The following PLCB4 variants were observed in gnomAD, a reference collection of about 807,000 sequenced individuals.
PLCB4 encodes the protein phospholipase C beta 4, also known as 1-phosphatidylinositol 4,5-bisphosphate phosphodiesterase beta-4.
PLCB4 carries 77 observed loss-of-function variants against 178.8 expected under a neutral mutation model. The observed-to-expected ratio is 0.43, with a 90% CI of 0.36 to 0.52. The LOEUF is 0.52. PLCB4 is among the 20% of genes least tolerant of loss of function. The pLI is 0.00. For missense variants in PLCB4, 1,024 were observed against 1,453.4 expected, an observed-to-expected ratio of 0.70 and a Z score of 4.80; for synonymous variants, 496 against 490.8, an observed-to-expected ratio of 1.01 and a Z score of -0.14.
rs539838950 is a variant in PLCB4, at chr20:9,292,636, C to T, written c.-15-15164C>T. On this transcript the variant is annotated intron_variant, in intron 3 of 39. Coordinates refer to ENST00000378473, the MANE Select transcript of PLCB4 (RefSeq NM_001377142.1). ...TATTCATAGGCACAATCGAGGCTGTCAAACTTGGTAAAGAATGGAAACTCA... is the reference window on the plus strand; with the variant it reads ...TATTCATAGGCACAATCGAGGCTGTTAAACTTGGTAAAGAATGGAAACTCA... Among the ~76,000 whole-genome samples, 111 of 152,282 alleles carry T rather than the reference C, an allele frequency of 7.3e-4. 2 individuals are homozygous for T. The highest frequency in any genetic ancestry group is 2.6e-3 in the African/African-American group (107 of 41,560).
Position 9,245,759 on chromosome 20 carries a change from C to T in PLCB4, c.-16+28307C>T, listed in dbSNP as rs142995028. 7.6e-3 allele frequency among the ~76,000 whole-genome samples: 1,149 copies of T among 151,558 alleles called. 17 individuals carry two copies. The highest frequency in any genetic ancestry group is 0.027 in the African/African-American group (1,097 of 41,318). On this transcript the variant is annotated intron_variant, in intron 3 of 39. Coordinates refer to ENST00000378473, the MANE Select transcript of PLCB4 (RefSeq NM_001377142.1). ...TGGGTTTTTTTTTTTTCCAGCCTCC[C>T]GAGTAGCTGGGACTCCAGGCACATG...
At chr20:9,305,009 G>T (rs185023109) in intron 3 of PLCB4, among the ~76,000 whole-genome samples, 40 of 150,170 alleles carry the variant, frequency 2.7e-4, no homozygotes, top group Admixed American at 1.4e-3. Flanking sequence ...TTAACATTAG[G>T]TATCTCTCCA....
intron 3 of PLCB4, among the ~76,000 whole-genome samples, chr20:9,285,697 C>A (rs1484074199): frequency 3.3e-5 from 5 of 151,856 alleles, no homozygotes; most frequent in Non-Finnish European, 5.9e-5. Context: ...TGCTTTGGGG[C>A]CATAAACAAA....
In PLCB4 at chr20:9,408,708, A is replaced by T; in HGVS notation, c.1865A>T (p.Glu622Val). 6.5e-7 allele frequency: 1 copy of T among 1,547,220 alleles called. No homozygotes were observed. The part of the protein sequence containing the change: ...GLGYLKTHAI[E>V]FVNYNKRQMS... ...GGCTACTTGAAGACACATGCAATTG[A>T]ATTTGTCAAGTATCCTTATGTATCA... Residue 622 changes from glutamate (E) to valine (V), a missense_variant, in exon 23 of 40, where the codon GAA (glutamate) becomes GTA (valine). Glu to Val is a moderately radical substitution (Grantham distance 121). This residue lies in a region of PLCB4 where 263 missense variants were observed against 417.4 expected (regional missense o/e 0.63). Transcript: ENST00000378473.
intron 7 of PLCB4, 144 bp from the exon 8 acceptor site, chr20:9,362,752 T>C (rs1457702364): frequency 1.6e-6 from 1 of 621,700 alleles, no homozygotes. Context: ...GCCTGCAAAA[T>C]ATAGATGGCT....
intron 1 of PLCB4, among the ~76,000 whole-genome samples, chr20:9,069,462 T>C (rs1342350165): frequency 6.6e-6 from 1 of 152,180 alleles, no homozygotes; most frequent in African/African-American, 2.4e-5. Context: ...CACCCTCTTC[T>C]GGGCTAGAAA....
chr20:9,328,954 G>A lies in PLCB4; in HGVS notation c.85-8172G>A, dbSNP rs148784379. On this transcript the variant is annotated intron_variant, in intron 4 of 39. Coordinates refer to ENST00000378473, the MANE Select transcript of PLCB4 (RefSeq NM_001377142.1). The stretch of plus-strand genomic sequence containing the variant: ...AGAAAGTTTAATAAATGAACTTAAG[G>A]AGGGGGTATGTGATTTACACAGGGG... Among the ~76,000 whole-genome samples the A allele has an allele frequency of 7.6e-4, 116 of 152,316 alleles. 1 individual carries two copies. In the Middle Eastern group the frequency reaches 0.014, roughly 18 times the overall value.
intron 2 of PLCB4, among the ~76,000 whole-genome samples, chr20:9,181,787 G>A (rs2093250656): frequency 1.3e-5 from 2 of 152,120 alleles, no homozygotes; most frequent in African/African-American, 4.8e-5. Flanking sequence ...TTTGGGAGTG[G>A]AGGACACAAA....
chr20:9,410,038 G>A (rs2039745604), intron 24 of PLCB4, among the ~76,000 whole-genome samples: 1 of 152,122 alleles, frequency 6.6e-6, no homozygotes, highest in Non-Finnish European at 1.5e-5. Flanking sequence ...CCCAATTTGA[G>A]GATTTTTTAA....
chr20:9,476,024 G>A (rs894014829), intron 38 of PLCB4, among the ~76,000 whole-genome samples: 3 of 152,078 alleles, frequency 2.0e-5, no homozygotes, highest in Non-Finnish European at 4.4e-5. Context: ...TCCCTCAAAG[G>A]TTTCTTTCTG....
chr20:9,159,225 A>C (rs944824061), intron 2 of PLCB4, among the ~76,000 whole-genome samples: 2 of 152,156 alleles, frequency 1.3e-5, no homozygotes, highest in Non-Finnish European at 2.9e-5. Flanking sequence ...AAATCAGACT[A>C]CTTAGAAAAT....
intron 9 of PLCB4, among the ~76,000 whole-genome samples, chr20:9,366,396 C>CA (rs1198133351): frequency 0.028 from 927 of 32,718 alleles, 22 homozygotes; most frequent in East Asian, 0.064. Context: ...GACTCCATCT[C>CA]AAAAAAAAAA....
intron 1 of PLCB4, among the ~76,000 whole-genome samples, chr20:9,095,524 A>G (rs150630373): frequency 6.6e-6 from 1 of 152,300 alleles, no homozygotes; most frequent in East Asian, 1.9e-4. Flanking sequence ...TGGATGATTA[A>G]CTTATATTAA....
At chr20:9,423,120 A>G (rs1003307252) in intron 27 of PLCB4, among the ~76,000 whole-genome samples, 1 of 152,218 alleles carries the variant, frequency 6.6e-6, no homozygotes, top group Non-Finnish European at 1.5e-5. Flanking sequence ...GTGTCTTAGA[A>G]TCAAAGTATG....
At position 9,373,121 on chromosome 20, in the gene PLCB4, A is replaced by G. The variant is rs1444410726; in HGVS notation, c.744+17A>G. The G allele has an allele frequency of 1.5e-6, 2 of 1,297,978 alleles. No individual in the cohort carries two copies. Among genetic ancestry groups the G allele is most frequent in the Non-Finnish European group, 1.1e-6 (1 of 896,894 alleles). 80.4% of individuals were successfully genotyped at this position (1,297,978 alleles called of 1,614,324 possible). ...CTAAATGAAGTAAGCTTTTTCATAC[A>G]TTAACTCCATAAAGTCTGTGTGCAG... On this transcript the variant is annotated intron_variant, in intron 12 of 39. Transcript: ENST00000378473.
In PLCB4 at chr20:9,070,331, A is replaced by C. The variant is rs2089504019; in HGVS notation, c.-135+1125A>C. 2.0e-5 allele frequency among the ~76,000 whole-genome samples: 3 copies of C among 152,242 alleles called. No individual in the cohort carries two copies. The South Asian group carries it at 6.2e-4, about 32-fold the overall frequency. On this transcript the variant is annotated intron_variant, in intron 1 of 39. Transcript: ENST00000378473. ...TGTGTGTGTTGCGGGGGAAGGTAAAATTTTAACTTTATTCTTTTATTGTTT... is the reference window on the plus strand; with the variant it reads ...TGTGTGTGTTGCGGGGGAAGGTAAACTTTTAACTTTATTCTTTTATTGTTT...
intron 20 of PLCB4, among the ~76,000 whole-genome samples, chr20:9,402,670 A>C (rs1208545982): frequency 6.6e-6 from 1 of 152,180 alleles, no homozygotes; most frequent in East Asian, 1.9e-4. Flanking sequence ...AAACCAGACA[A>C]TGCATCAGAG....
At chr20:9,141,981 G>C (rs1189606656) in intron 2 of PLCB4, among the ~76,000 whole-genome samples, 3 of 152,126 alleles carry the variant, frequency 2.0e-5, no homozygotes, top group Admixed American at 2.0e-4. Context: ...ACAGGGTAGG[G>C]GTGGGAGGTT....
intron 1 of PLCB4, among the ~76,000 whole-genome samples, chr20:9,085,289 G>A (rs2090359109): frequency 1.3e-5 from 2 of 152,114 alleles, no homozygotes; most frequent in Admixed American, 6.5e-5. Context: ...TGAGTCACAT[G>A]AAATGACCAC....
Sources: allele counts gnomAD v4.1 joint callset (sites outside exome capture counted in the v4.1 genomes callset), GRCh38; gene constraint gnomAD v4.1.1; regional missense constraint gnomAD v4.1.1; transcripts MANE v1.5; gene names NCBI Gene and HGNC (gene_info 2026-07-23, HGNC 2026-07-21).